PTPRD: variants seen among roughly 807,000 people sequenced by gnomAD.
PTPRD encodes the protein receptor-type tyrosine-protein phosphatase delta.
PTPRD carries 34 observed loss-of-function variants against 214.5 expected under a neutral mutation model. That is an observed-to-expected ratio of 0.16 (90% CI 0.12 to 0.21). The LOEUF (loss-of-function observed/expected upper bound fraction) is 0.21. Among genes scored for constraint, PTPRD ranks in the 10% least tolerant of loss-of-function variants. PTPRD has a pLI of 1.00. For synonymous variants in PTPRD, 1,128 were observed against 845.7 expected (o/e 1.33, Z -5.79); for missense variants, 2,545 against 2,398.7 (o/e 1.06, Z -1.27).
intron 11 of PTPRD, among the ~76,000 whole-genome samples, chr9:8,961,104 A>C (rs2099156405): frequency 6.6e-6 from 1 of 152,108 alleles, no homozygotes; most frequent in Non-Finnish European, 1.5e-5. Context: ...GACATGCATA[A>C]GGTTCAGTAA....
intron 34 of PTPRD, among the ~76,000 whole-genome samples, chr9:8,443,268 G>A (rs1564843948): frequency 2.0e-5 from 3 of 152,158 alleles, no homozygotes; most frequent in South Asian, 2.1e-4. Context: ...GGACACATCC[G>A]GTATTCTTAA....
At chr9:9,472,132 G>A (rs7027963) in intron 8 of PTPRD, among the ~76,000 whole-genome samples, 102,304 of 150,230 alleles carry the variant, frequency 0.68, 35,007 homozygotes, top group South Asian at 0.73. Flanking sequence ...ACAAAAGGAC[G>A]TGTCTCATTT....
At chr9:10,061,431 G>A (rs1479751671) in intron 3 of PTPRD, among the ~76,000 whole-genome samples, 2 of 152,008 alleles carry the variant, frequency 1.3e-5, no homozygotes, top group African/African-American at 2.4e-5. Context: ...TCCAACAACA[G>A]CTCTCTCTTT....
At position 8,508,867 on chromosome 9, in the gene PTPRD, GTA is replaced by G. The variant is rs58631303; in HGVS notation, c.1544-1435_1544-1434del. On this transcript the variant is annotated intron_variant, in intron 21 of 45. Transcript: ENST00000381196. ...TTATTCCTCTGGTAAGTCAGCCTGT[GTA>G]TATATATGTGTGTGTGTGTGTCTGT... 8.0e-3 allele frequency among the ~76,000 whole-genome samples: 1,186 copies of G among 148,360 alleles called. 13 individuals are homozygous for G. Among genetic ancestry groups the G allele is most frequent in the African/African-American group, 0.027 (1,080 of 39,746 alleles).
At chr9:10,095,891 T>C (rs2098478431) in intron 3 of PTPRD, among the ~76,000 whole-genome samples, 1 of 151,576 alleles carries the variant, frequency 6.6e-6, no homozygotes, top group Non-Finnish European at 1.5e-5. Context: ...TCATATGTAC[T>C]TTTTCCTATT....
chr9:10,381,651 T>C (rs930946794), intron 2 of PTPRD, among the ~76,000 whole-genome samples: 3 of 151,944 alleles, frequency 2.0e-5, no homozygotes, highest in African/African-American at 7.2e-5. Flanking sequence ...CTTTATTCTC[T>C]CTCTTTTCAA....
At chr9:10,304,244 G>A (rs113648034) in intron 3 of PTPRD, among the ~76,000 whole-genome samples, 25 of 152,180 alleles carry the variant, frequency 1.6e-4, no homozygotes, top group African/African-American at 5.5e-4. Flanking sequence ...AATACGCTAG[G>A]TACTGACGGA....
chr9:9,807,382 T>C (rs1412318500), intron 5 of PTPRD, among the ~76,000 whole-genome samples: 1 of 152,140 alleles, frequency 6.6e-6, no homozygotes, highest in Admixed American at 6.5e-5. Flanking sequence ...AAAATCCTGA[T>C]TTCACGAAAC....
chr9:9,277,236 G>A (rs541623712), intron 9 of PTPRD, among the ~76,000 whole-genome samples: 8 of 151,334 alleles, frequency 5.3e-5, no homozygotes, highest in African/African-American at 1.9e-4. Context: ...GATTCCCTAT[G>A]TTTTTGAATA....
At chr9:8,801,466 C>T (rs1003503396) in intron 11 of PTPRD, among the ~76,000 whole-genome samples, 6 of 152,216 alleles carry the variant, frequency 3.9e-5, no homozygotes, top group Non-Finnish European at 8.8e-5. Context: ...CCTGTAATCT[C>T]AGCAATCTGG....
chr9:8,410,861 G>A (rs1234895595), intron 35 of PTPRD, among the ~76,000 whole-genome samples: 1 of 151,986 alleles, frequency 6.6e-6, no homozygotes, highest in Non-Finnish European at 1.5e-5. Context: ...CTGACATGCA[G>A]GGAACAAAAA....
At chr9:9,571,041 A>C (rs148266958) in intron 8 of PTPRD, among the ~76,000 whole-genome samples, 2 of 151,566 alleles carry the variant, frequency 1.3e-5, no homozygotes, top group East Asian at 1.9e-4. Flanking sequence ...AAATCATGAC[A>C]TGGCTTAGAC....
At chr9:9,461,509 A>T (rs1273944184) in intron 8 of PTPRD, among the ~76,000 whole-genome samples, 1 of 152,088 alleles carries the variant, frequency 6.6e-6, no homozygotes, top group Non-Finnish European at 1.5e-5. Flanking sequence ...AAACAAACAC[A>T]CGATATACAA....
At chr9:9,894,151 A>C (rs1243595931) in intron 5 of PTPRD, among the ~76,000 whole-genome samples, 1 of 151,982 alleles carries the variant, frequency 6.6e-6, no homozygotes, top group South Asian at 2.1e-4. Context: ...GAACACCTCT[A>C]TATCTCCAAG....
chr9:9,055,297 G>C (rs1397674350), intron 10 of PTPRD, among the ~76,000 whole-genome samples: 2 of 152,066 alleles, frequency 1.3e-5, no homozygotes, highest in East Asian at 1.9e-4. Flanking sequence ...TGGATATAAA[G>C]TGTGCTCACC....
At chr9:8,648,680 G>A (rs2096744722) in intron 12 of PTPRD, among the ~76,000 whole-genome samples, 1 of 152,170 alleles carries the variant, frequency 6.6e-6, no homozygotes, top group Non-Finnish European at 1.5e-5. Flanking sequence ...AGAAAGTTAT[G>A]CATTACATAC....
chr9:8,364,085 A>G (rs769034220), intron 39 of PTPRD, among the ~76,000 whole-genome samples: 1 of 152,266 alleles, frequency 6.6e-6, no homozygotes, highest in Non-Finnish European at 1.5e-5. Flanking sequence ...ATACTGGCAT[A>G]TAACAAACAC....
At chr9:9,342,024 A>C (rs770827645) in intron 9 of PTPRD, among the ~76,000 whole-genome samples, 5 of 151,958 alleles carry the variant, frequency 3.3e-5, no homozygotes, top group Non-Finnish European at 7.4e-5. Flanking sequence ...GGTCAGGATG[A>C]TCTCAAACTC....
At chr9:9,749,649 C>A (rs1051881849) in intron 6 of PTPRD, among the ~76,000 whole-genome samples, 1 of 152,032 alleles carries the variant, frequency 6.6e-6, no homozygotes, top group African/African-American at 2.4e-5. Flanking sequence ...AAGAGGAATG[C>A]CTTTTTAATA....
Sources: gnomAD v4.1 joint callset for allele counts (sites outside exome capture counted in the v4.1 genomes callset) on GRCh38, gnomAD v4.1.1 for gene constraint, MANE v1.5 for transcripts, NCBI Gene and HGNC (gene_info 2026-07-23, HGNC 2026-07-21) for gene names.